The following KMT2A variants were observed in gnomAD, a reference collection of about 807,000 sequenced individuals.
The protein encoded by KMT2A is histone-lysine N-methyltransferase 2A.
Under a neutral mutation model 345.3 loss-of-function variants are expected in KMT2A, and 16 were observed. The ratio of observed to expected loss-of-function variants is 0.05; its 90% CI spans 0.03 to 0.07. KMT2A has a LOEUF of 0.07. KMT2A is among the 10% of genes least tolerant of loss of function. KMT2A has a pLI of 1.00. For missense variants in KMT2A, 3,272 were observed against 4,841.6 expected (o/e 0.68, Z 9.62); for synonymous variants, 1,599 against 1,778.6 (o/e 0.90, Z 2.54).
chr11:118,503,316 A>G lies in KMT2A; in HGVS notation c.7424A>G (p.Glu2475Gly). 6.2e-7 allele frequency: 1 copy of G among 1,614,106 alleles called. No individual in the cohort carries two copies. The highest frequency in any genetic ancestry group is 2.2e-5 in the East Asian group (1 of 44,882). The change falls in exon 27 of 36, where the codon GAG becomes GGG. Residue 2475 changes from glutamate (E) to glycine (G), a missense_variant. By Grantham distance (98) the Glu-to-Gly change is moderately conservative. Transcript: ENST00000534358. The surrounding 1 kb of genome is among the most constrained non-coding windows in gnomAD (Gnocchi z 5.3). ...TTTATGGATGAGGTTTTGACTCCTG[A>G]GTATATGGGCCAACGACCATGTAAC... ...PEFMDEVLTPEYMGQRPCNNV... is the reference protein window; with the variant it reads ...PEFMDEVLTPGYMGQRPCNNV...
At chr11:118,517,731 AC>A (rs1950853370) in intron 31 of KMT2A, among the ~76,000 whole-genome samples, 1 of 152,098 alleles carries the variant, frequency 6.6e-6, no homozygotes, top group African/African-American at 2.4e-5. Context: ...AGTCCCAGCT[AC>A]CTGGGAGGCT....
intron 1 of KMT2A, among the ~76,000 whole-genome samples, chr11:118,464,135 A>T (rs1949797272): frequency 6.6e-6 from 1 of 152,244 alleles, no homozygotes; most frequent in African/African-American, 2.4e-5. Context: ...CAAGGAAAAA[A>T]TTCATCTTGT....
chr11:118,490,350 A>G lies in KMT2A; in HGVS notation c.4696+101A>G. ...AATGAAATAAAAAGTCTCACACATT[A>G]TGTCAAGGATACCATTTAGACACAT... On this transcript the variant is annotated intron_variant, in intron 13 of 35. Transcript: ENST00000534358. This position sits in a 1 kb window ranked among gnomAD's most constrained non-coding sequence, Gnocchi z 4.2. 4 of 1,222,250 alleles carry G rather than the reference A, an allele frequency of 3.3e-6. No homozygotes were observed. Among genetic ancestry groups the G allele is most frequent in the Non-Finnish European group, 4.4e-6 (4 of 907,124 alleles). 75.7% of individuals were successfully genotyped at this position (1,222,250 alleles called of 1,614,324 possible).
chr11:118,489,592 A>G (rs972498272), intron 11 of KMT2A, among the ~76,000 whole-genome samples, 200 bp from the exon 12 acceptor site: 1 of 152,246 alleles, frequency 6.6e-6, no homozygotes, highest in Admixed American at 6.5e-5. Flanking sequence ...CCTAATATGA[A>G]TACTCATCAC....
intron 1 of KMT2A, among the ~76,000 whole-genome samples, chr11:118,467,902 G>A (rs75399345): frequency 1.8e-4 from 27 of 152,178 alleles, no homozygotes; most frequent in Non-Finnish European, 3.2e-4. Context: ...TTCTGTGTCT[G>A]TCTCTGGAAA....
At chr11:118,438,419 G>A (rs1949243654) in intron 1 of KMT2A, among the ~76,000 whole-genome samples, 2 of 149,484 alleles carry the variant, frequency 1.3e-5, no homozygotes, top group African/African-American at 4.9e-5. Context: ...GGATGCAGAA[G>A]GGGGGAGTTC....
At chr11:118,508,700 A>G (rs1555049269) in intron 28 of KMT2A, among the ~76,000 whole-genome samples, 1 of 151,326 alleles carries the variant, frequency 6.6e-6, no homozygotes, top group Non-Finnish European at 1.5e-5. Flanking sequence ...CAGCCTGGAC[A>G]GCAAAGTGAG....
At chr11:118,478,360 A>G (rs1555038183) in intron 5 of KMT2A, among the ~76,000 whole-genome samples, 159 bp downstream of exon 5, 1 of 152,242 alleles carries the variant, frequency 6.6e-6, no homozygotes, top group Admixed American at 6.5e-5. Context: ...CTGTGCTTAA[A>G]TAAGAAATAC....
chr11:118,492,417 C>A (rs568620025), intron 15 of KMT2A, among the ~76,000 whole-genome samples: 3 of 152,258 alleles, frequency 2.0e-5, no homozygotes, highest in Non-Finnish European at 1.5e-5. Context: ...CGGTGGCTCA[C>A]GCCTGTAATC....
At position 118,473,618 on chromosome 11, in the gene KMT2A, C is replaced by G. The variant is rs1555036564; in HGVS notation, c.2459C>G (p.Thr820Ser). ...AAAAATCAGAGACCAAGGAAGCAGA[C>G]TAGTGCTCCGGCAGAGCCATTTTCA... ...AEKNQRPRKQ[T>S]SAPAEPFSSS... Residue 820 changes from threonine (T) to serine (S), a missense_variant, in exon 3 of 36, where the codon ACT becomes AGT. Physicochemically the swap from Thr to Ser is moderately conservative, Grantham distance 58. Around this residue, in one of 27 missense-constraint regions of KMT2A, gnomAD observed 209 missense variants for 237.4 expected, o/e 0.88. Transcript: ENST00000534358. This position sits in a 1 kb window ranked among gnomAD's most constrained non-coding sequence, Gnocchi z 5.2. 6.2e-7 allele frequency: 1 copy of G among 1,614,124 alleles called. No individual in the cohort carries two copies.
At chr11:118,450,307 T>A (rs1311736794) in intron 1 of KMT2A, 3 of 152,166 alleles carry the variant, frequency 2.0e-5, no homozygotes, top group Non-Finnish European at 4.4e-5. Context: ...TTTTGCTGTT[T>A]TTTGTTTTTT....
At chr11:118,470,771 T>C (rs1452987282) in intron 2 of KMT2A, among the ~76,000 whole-genome samples, 1 of 152,236 alleles carries the variant, frequency 6.6e-6, no homozygotes, top group Non-Finnish European at 1.5e-5. Flanking sequence ...GAAGATTTGA[T>C]AAAATAGCCT....
intron 1 of KMT2A, among the ~76,000 whole-genome samples, chr11:118,461,726 G>A (rs1186790167): frequency 6.6e-6 from 1 of 152,146 alleles, no homozygotes; most frequent in Non-Finnish European, 1.5e-5. Flanking sequence ...ATGATGCCAC[G>A]ATGCCAAATG....
intron 1 of KMT2A, among the ~76,000 whole-genome samples, chr11:118,451,155 G>A (rs1218998836): frequency 6.6e-6 from 1 of 151,342 alleles, no homozygotes; most frequent in African/African-American, 2.4e-5. Context: ...ACCAGCTACT[G>A]GGGCTCTACC....
intron 15 of KMT2A, among the ~76,000 whole-genome samples, chr11:118,492,766 G>A (rs1950346417): frequency 6.6e-6 from 1 of 152,084 alleles, no homozygotes; most frequent in Admixed American, 6.5e-5. Context: ...TCCATTTTTT[G>A]AATAGGAAAA....
Position 118,491,087 on chromosome 11 carries a change from G to C in KMT2A, c.4697-109G>C. ...ACAGTAGATCCATGCTGGTGTTCAT[G>C]ATCCCAGAAGAATATAGATTTAGAT... On this transcript the variant is annotated intron_variant, in intron 13 of 35. Transcript: ENST00000534358. This position sits in a 1 kb window ranked among gnomAD's most constrained non-coding sequence, Gnocchi z 4.2. 1 of 1,117,080 alleles carries C rather than the reference G, an allele frequency of 9.0e-7. No homozygotes were observed. The highest frequency in any genetic ancestry group is 1.3e-6 in the Non-Finnish European group (1 of 783,680). 69.2% of individuals were successfully genotyped at this position (1,117,080 alleles called of 1,614,324 possible). A position where few individuals can be genotyped will look rare whatever the true frequency, so the allele number is the denominator to read the frequency against.
intron 1 of KMT2A, 68 bp from the exon 2 acceptor site, chr11:118,468,707 A>G (rs1949891119): frequency 8.1e-7 from 1 of 1,229,810 alleles, no homozygotes; most frequent in Non-Finnish European, 1.2e-6. Flanking sequence ...TCCTCTGGGC[A>G]TTTCTTTGGG....
At chr11:118,508,238 C>A (rs1290797429) in intron 28 of KMT2A, among the ~76,000 whole-genome samples, 1 of 152,074 alleles carries the variant, frequency 6.6e-6, no homozygotes, top group East Asian at 1.9e-4. Context: ...TATGTATACA[C>A]TTTTTTACAT....
Position 118,523,457 on chromosome 11 carries a change from A to G in KMT2A, c.*1285A>G. The G allele has an allele frequency of 4.4e-6, 1 of 226,672 alleles. No individual in the cohort carries two copies. The highest frequency in any genetic ancestry group is 8.8e-6 in the Non-Finnish European group (1 of 113,740). The allele number at this position is 226,672 out of a possible 1,614,324, so 14.0% of individuals were successfully genotyped here. ...CTCCTTAGGATGTGGTCAAAACAGC[A>G]TCAAATGTTTCTTCTCTTCCTTTCC... On this transcript the variant is annotated 3_prime_UTR_variant, in exon 36 of 36. Coordinates refer to ENST00000534358, the MANE Select transcript of KMT2A (RefSeq NM_001197104.2).
Sources: gnomAD v4.1 joint callset for allele counts (sites outside exome capture counted in the v4.1 genomes callset) on GRCh38, gnomAD v4.1.1 for gene constraint, gnomAD v4.1.1 regional missense constraint, Gnocchi (gnomAD v3.1) non-coding constraint, MANE v1.5 for transcripts, NCBI Gene and HGNC (gene_info 2026-07-23, HGNC 2026-07-21) for gene names.